The following DROSHA variants were observed in gnomAD, a reference collection of about 807,000 sequenced individuals.
The protein encoded by DROSHA is drosha ribonuclease III, also known as ribonuclease 3.
In DROSHA, 56 loss-of-function variants were observed where a neutral mutation model predicts 181.9. The observed-to-expected ratio is 0.31, with a 90% confidence interval of 0.25 to 0.38. DROSHA has a LOEUF of 0.38. Among genes scored for constraint, DROSHA ranks in the 10% least tolerant of loss-of-function variants. The pLI is 1.00. For synonymous variants in DROSHA, 524 were observed against 591.2 expected, an observed-to-expected ratio of 0.89 and a Z score of 1.65; for missense variants, 1,218 against 1,743.5, an observed-to-expected ratio of 0.70 and a Z score of 5.37.
At chr5:31,425,008 T>C (rs945773891) in intron 27 of DROSHA, among the ~76,000 whole-genome samples, 2 of 152,110 alleles carry the variant, frequency 1.3e-5, no homozygotes, top group African/African-American at 4.8e-5. Context: ...CTGGAATGAG[T>C]GAATTTTATG....
intron 7 of DROSHA, 63 bp from the exon 8 acceptor site, chr5:31,515,282 A>G: frequency 2.0e-6 from 3 of 1,512,870 alleles, no homozygotes; most frequent in Non-Finnish European, 2.7e-6. Flanking sequence ...AAACTATTCT[A>G]TTTCACCTAT....
intron 23 of DROSHA, among the ~76,000 whole-genome samples, chr5:31,439,811 T>C (rs1474257561): frequency 6.6e-6 from 1 of 152,010 alleles, no homozygotes; most frequent in Non-Finnish European, 1.5e-5. Context: ...TTTGGGGATG[T>C]ACAAGGGGAG....
intron 29 of DROSHA, chr5:31,421,932 G>GTGTGTGTGTGTGTGTA (rs1554020895): frequency 9.2e-6 from 1 of 108,514 alleles, no homozygotes; most frequent in African/African-American, 4.6e-5. Context: ...GTGTGTGTGT[G>GTGTGTGTGTGTGTGTA]TATATAAATT....
At position 31,418,886 on chromosome 5, in the gene DROSHA, T is replaced by C. The variant is rs185385967; in HGVS notation, c.3525+2386A>G. On this transcript the variant is annotated intron_variant, in intron 30 of 35. Coordinates refer to ENST00000344624, the MANE Select transcript of DROSHA (RefSeq NM_001382508.1). ...ATTCAGTCTTACACATGTTGAGATG[T>C]TGAGAAGGCAGCTAGGGCTGGAACT... 2.8e-3 allele frequency among the ~76,000 whole-genome samples: 433 copies of C among 152,254 alleles called. 1 individual carries two copies. Among genetic ancestry groups the C allele is most frequent in the Non-Finnish European group, 4.3e-3 (292 of 68,012 alleles).
intron 18 of DROSHA, chr5:31,467,177 A>G (rs1749141178): frequency 6.6e-6 from 1 of 151,934 alleles, no homozygotes; most frequent in Admixed American, 6.6e-5. Flanking sequence ...CTTTTATCCA[A>G]AGGGGGAAAA....
intron 11 of DROSHA, among the ~76,000 whole-genome samples, chr5:31,496,724 C>A (rs769010422): frequency 6.6e-6 from 1 of 152,192 alleles, no homozygotes; most frequent in Non-Finnish European, 1.5e-5. Flanking sequence ...ATAACCTTGA[C>A]TGGGTGTTGA....
Position 31,401,381 on chromosome 5 carries a change from A to C in DROSHA, c.*51T>G. Reference sequence around the variant, plus strand: ...AAAACTAGGCTAGGTCTCAATAGACAACAGTCACAGTTACTGAGCAAGTAA... The same window carrying C: ...AAAACTAGGCTAGGTCTCAATAGACCACAGTCACAGTTACTGAGCAAGTAA... On this transcript the variant is annotated 3_prime_UTR_variant, in exon 36 of 36. Coordinates refer to ENST00000344624, the MANE Select transcript of DROSHA (RefSeq NM_001382508.1). 6.3e-7 allele frequency: 1 copy of C among 1,598,510 alleles called. No individual in the cohort carries two copies. Among genetic ancestry groups the C allele is most frequent in the Non-Finnish European group, 8.5e-7 (1 of 1,169,908 alleles).
intron 6 of DROSHA, among the ~76,000 whole-genome samples, chr5:31,519,052 C>T (rs1739581812): frequency 6.6e-6 from 1 of 152,152 alleles, no homozygotes; most frequent in South Asian, 2.1e-4. Context: ...CCCAATGTTT[C>T]TTCTTACCAA....
At chr5:31,431,455 G>A (rs1004131498) in intron 26 of DROSHA, 121 bp downstream of exon 26, 1 of 869,836 alleles carries the variant, frequency 1.1e-6, no homozygotes, top group African/African-American at 1.7e-5. Context: ...TGTCGTCCTA[G>A]GAACCTCATG....
intron 28 of DROSHA, among the ~76,000 whole-genome samples, chr5:31,423,671 T>C (rs1743060076): frequency 6.6e-6 from 1 of 152,218 alleles, no homozygotes; most frequent in South Asian, 2.1e-4. Context: ...ATTTTTAAAG[T>C]ACTCTGAATT....
chr5:31,453,858 T>C (rs1747321991), intron 20 of DROSHA, among the ~76,000 whole-genome samples: 1 of 151,752 alleles, frequency 6.6e-6, no homozygotes, highest in East Asian at 1.9e-4. Flanking sequence ...TTTAAAAGTA[T>C]CAATCTTTGC....
chr5:31,486,132 A>G (rs1220092072), intron 14 of DROSHA, among the ~76,000 whole-genome samples: 1 of 152,218 alleles, frequency 6.6e-6, no homozygotes, highest in East Asian at 1.9e-4. Flanking sequence ...GAGATAACGA[A>G]TAAGATTATT....
At chr5:31,437,139 A>G in intron 24 of DROSHA, 100 bp downstream of exon 24, 1 of 1,257,236 alleles carries the variant, frequency 8.0e-7, no homozygotes, top group Non-Finnish European at 1.1e-6. Flanking sequence ...CGGTGTATCA[A>G]TGCCTTATTT....
At chr5:31,408,672 A>G (rs1158528885) in intron 33 of DROSHA, 2 of 180,652 alleles carry the variant, frequency 1.1e-5, no homozygotes, top group Non-Finnish European at 2.4e-5. Flanking sequence ...ATAATCATAC[A>G]TGATCTTCTC....
intron 6 of DROSHA, among the ~76,000 whole-genome samples, chr5:31,518,773 T>TA (rs1739545026): frequency 6.6e-6 from 1 of 152,232 alleles, no homozygotes; most frequent in Admixed American, 6.5e-5. Context: ...AAGTGGTAGT[T>TA]AAATGCTAAT....
intron 20 of DROSHA, 165 bp downstream of exon 20, chr5:31,464,071 C>T: frequency 1.0e-5 from 7 of 678,700 alleles, no homozygotes; most frequent in Admixed American, 3.0e-5. Flanking sequence ...AAACAGACAA[C>T]AAAAACAAAA....
At chr5:31,468,158 A>G in intron 17 of DROSHA, 95 bp from the exon 18 acceptor site, 1 of 1,419,726 alleles carries the variant, frequency 7.0e-7, no homozygotes. Context: ...ACTTTTTTCC[A>G]GGAAAGCCTT....
chr5:31,480,178 G>GTATATA (rs55828936), intron 16 of DROSHA, among the ~76,000 whole-genome samples: 6,903 of 84,628 alleles, frequency 0.082, 1,046 homozygotes, highest in East Asian at 0.23. Context: ...GGCAATGTCA[G>GTATATA]TATATATATA....
At chr5:31,436,276 A>G (rs1364509955) in intron 24 of DROSHA, among the ~76,000 whole-genome samples, 1 of 152,200 alleles carries the variant, frequency 6.6e-6, no homozygotes, top group East Asian at 1.9e-4. Context: ...GTGAAAAGAA[A>G]TAACCTAAAG....
Sources: gnomAD v4.1 joint callset for allele counts (sites outside exome capture counted in the v4.1 genomes callset) on GRCh38, gnomAD v4.1.1 for gene constraint, MANE v1.5 for transcripts, NCBI Gene and HGNC (gene_info 2026-07-23, HGNC 2026-07-21) for gene names.